CMC2: variants seen among roughly 807,000 people sequenced by gnomAD.
CMC2 encodes C-X9-C motif containing 2, also known as COX assembly mitochondrial protein 2 homolog.
CMC2 carries 5 observed loss-of-function variants against 7.5 expected under a neutral mutation model. The observed-to-expected ratio is 0.66, with a 90% CI of 0.35 to 1.40. CMC2 has a LOEUF of 1.40. Ranked by LOEUF, CMC2 falls within the 40% of genes most tolerant of loss-of-function variation. The probability of loss-of-function intolerance (pLI) is 0.04; values close to 1 mark genes in which losing one functional copy is unlikely to be tolerated. For missense variants in CMC2, 115 were observed against 92.3 expected, an observed-to-expected ratio of 1.25 and a Z score of -1.01; for synonymous variants, 37 against 31.4, an observed-to-expected ratio of 1.18 and a Z score of -0.60.
chr16:80,999,519 C>G (rs1423212619), intron 1 of CMC2, among the ~76,000 whole-genome samples: 3 of 151,992 alleles, frequency 2.0e-5, no homozygotes, highest in Non-Finnish European at 4.4e-5. Flanking sequence ...AACACTACTC[C>G]TATCAAACTA....
chr16:81,004,184 C>G (rs969715084), intron 1 of CMC2, among the ~76,000 whole-genome samples: 2 of 152,054 alleles, frequency 1.3e-5, no homozygotes, highest in Non-Finnish European at 2.9e-5. Context: ...ATGGCACCAC[C>G]TGCACTCTAG....
At chr16:80,978,750 G>A (rs17738203) in intron 3 of CMC2, among the ~76,000 whole-genome samples, 325 of 152,016 alleles carry the variant, frequency 2.1e-3, no homozygotes, top group Middle Eastern at 6.8e-3. Context: ...ACACAGCGGA[G>A]TCCCAACAAG....
chr16:80,994,358 C>T (rs2602453), intron 2 of CMC2, among the ~76,000 whole-genome samples: 98,151 of 149,990 alleles, frequency 0.65, 33,778 homozygotes, highest in Middle Eastern at 0.8. Flanking sequence ...ACACAAAAAG[C>T]ACAAACCATG....
At chr16:80,995,676 G>A (rs2970082) in intron 2 of CMC2, among the ~76,000 whole-genome samples, 118,413 of 152,082 alleles carry the variant, frequency 0.78, 46,187 homozygotes, top group South Asian at 0.92. Context: ...AAGAATATAC[G>A]ATGTAGTGTA....
intron 3 of CMC2, 59 bp from the exon 4 acceptor site, chr16:80,976,238 C>T (rs1265813009): frequency 2.0e-5 from 18 of 904,540 alleles, no homozygotes; most frequent in Non-Finnish European, 2.9e-5. Flanking sequence ...CTATTTATAG[C>T]AGTTTACTAT....
At chr16:80,995,807 T>C (rs1968372339) in intron 2 of CMC2, among the ~76,000 whole-genome samples, 1 of 152,194 alleles carries the variant, frequency 6.6e-6, no homozygotes, top group Admixed American at 6.5e-5. Context: ...CACAGGAAAC[T>C]GATAGAAATG....
At chr16:80,989,242 A>G (rs926474917) in intron 2 of CMC2, among the ~76,000 whole-genome samples, 1 of 152,222 alleles carries the variant, frequency 6.6e-6, no homozygotes. Context: ...GACTAAATCA[A>G]TTACTACTAC....
Position 80,991,310 on chromosome 16 carries a change from T to C in CMC2, c.81+6004A>G, listed in dbSNP as rs551058631. Reference sequence around the variant, plus strand: ...ACACAGTGACTTCCTTCCAAAGAGTTATGAAAAGGGAGAAAAAGAGTAACT... The same window carrying C: ...ACACAGTGACTTCCTTCCAAAGAGTCATGAAAAGGGAGAAAAAGAGTAACT... On this transcript the variant is annotated intron_variant, in intron 2 of 3. Transcript: ENST00000219400. Among the ~76,000 whole-genome samples, 3 of 151,988 alleles carry C rather than the reference T, an allele frequency of 2.0e-5. No homozygotes were observed. In the South Asian group the frequency reaches 6.2e-4, roughly 32 times the overall value.
rs1169833135 is a variant in CMC2, at chr16:80,973,229, G to A, written c.*2864C>T. The A allele has an allele frequency of 6.6e-6, 1 of 152,258 alleles. No homozygotes were observed. The highest frequency in any genetic ancestry group is 1.5e-5 in the Non-Finnish European group (1 of 68,112). 9.4% of individuals were successfully genotyped at this position (152,258 alleles called of 1,614,324 possible). ...GGCCGGCTTGGGATGAGTTCTAGAGGCCTGGCCCTTCCTTCTGCCTCATAT... is the reference window on the plus strand; with the variant it reads ...GGCCGGCTTGGGATGAGTTCTAGAGACCTGGCCCTTCCTTCTGCCTCATAT... On this transcript the variant is annotated 3_prime_UTR_variant, in exon 4 of 4. Transcript: ENST00000219400.
chr16:80,981,559 G>A (rs1210108017), intron 3 of CMC2, among the ~76,000 whole-genome samples: 1 of 152,116 alleles, frequency 6.6e-6, no homozygotes. Flanking sequence ...TCATCCAGAT[G>A]ACCTACAGTA....
intron 1 of CMC2, 98 bp from the exon 2 acceptor site, chr16:80,997,527 T>C: frequency 1.6e-6 from 1 of 627,378 alleles, no homozygotes; most frequent in Non-Finnish European, 2.8e-6. Flanking sequence ...ATCAGAGAAG[T>C]ATGTTAACCA....
chr16:80,969,199 G>C lies in CMC2; in HGVS notation c.*6894C>G, dbSNP rs62054240. 0.2 allele frequency: 30,565 copies of C among 152,136 alleles called. 3,275 individuals are homozygous for C. The highest frequency in any genetic ancestry group is 0.23 in the Non-Finnish European group (15,661 of 67,996). 9.4% of individuals were successfully genotyped at this position (152,136 alleles called of 1,614,324 possible). On this transcript the variant is annotated 3_prime_UTR_variant, in exon 4 of 4. Coordinates refer to ENST00000219400, the MANE Select transcript of CMC2 (RefSeq NM_020188.5). ...AGAGACAGTATTTACAACAAAATTA[G>C]GTTAAAATGTAACCCTCATATCCCA...
chr16:81,001,604 T>C (rs184648772), intron 1 of CMC2, among the ~76,000 whole-genome samples: 2 of 152,218 alleles, frequency 1.3e-5, no homozygotes, highest in East Asian at 3.9e-4. Context: ...ATTTAAATGG[T>C]TAAGATGGTA....
chr16:80,996,006 G>GA (rs985844192), intron 2 of CMC2, among the ~76,000 whole-genome samples: 21 of 141,172 alleles, frequency 1.5e-4, no homozygotes, highest in South Asian at 2.2e-4. Context: ...CCATTTGAAA[G>GA]AAAAAAAAAA....
chr16:80,991,951 C>G (rs549407801), intron 2 of CMC2: 1 of 455,216 alleles, frequency 2.2e-6, no homozygotes. Context: ...GTATCCTGGA[C>G]GGAATCCTGT....
At chr16:80,979,749 T>C (rs1966976386) in intron 3 of CMC2, among the ~76,000 whole-genome samples, 2 of 152,090 alleles carry the variant, frequency 1.3e-5, no homozygotes, top group Admixed American at 1.3e-4. Flanking sequence ...GCCTCCCGAG[T>C]AGCTGGAACT....
At chr16:81,004,712 T>C (rs1969120480) in intron 1 of CMC2, among the ~76,000 whole-genome samples, 2 of 152,228 alleles carry the variant, frequency 1.3e-5, no homozygotes, top group Admixed American at 1.3e-4. Flanking sequence ...GTACTCTTAG[T>C]GAAGATATAA....
At chr16:81,005,959 G>A (rs970836558) in intron 1 of CMC2, among the ~76,000 whole-genome samples, 2 of 152,140 alleles carry the variant, frequency 1.3e-5, no homozygotes, top group Admixed American at 6.6e-5. Context: ...CAACGCAGTA[G>A]GAAAAGGATG....
chr16:80,977,745 T>TTTCATACTTTTTATTAATAAAAAA (rs1912594007), intron 3 of CMC2, among the ~76,000 whole-genome samples: 1 of 152,178 alleles, frequency 6.6e-6, no homozygotes, highest in African/African-American at 2.4e-5. Flanking sequence ...TCTGGAATGG[T>TTTCATACTTTTTATTAATAAAAAA]AGTTTTCAAA....
Sources: allele counts gnomAD v4.1 joint callset (sites outside exome capture counted in the v4.1 genomes callset), GRCh38; gene constraint gnomAD v4.1.1; transcripts MANE v1.5; gene names NCBI Gene and HGNC (gene_info 2026-07-23, HGNC 2026-07-21).